Variants in KHDRBS2 observed in about 807,000 individuals in gnomAD.
The protein encoded by KHDRBS2 is KH RNA binding domain containing, signal transduction associated 2.
Under a neutral mutation model 44.3 loss-of-function variants are expected in KHDRBS2, and 26 were observed. The ratio of observed to expected loss-of-function variants is 0.59; its 90% confidence interval spans 0.43 to 0.81. The LOEUF (loss-of-function observed/expected upper bound fraction) is 0.81. Ranked by LOEUF, KHDRBS2 falls within the 40% of genes least tolerant of loss-of-function variation. The probability of loss-of-function intolerance (pLI) is 0.00; values close to 1 mark genes in which losing one functional copy is unlikely to be tolerated. For synonymous variants in KHDRBS2, 194 were observed against 151.1 expected, an observed-to-expected ratio of 1.28 and a Z score of -2.08; for missense variants, 476 against 433.1, an observed-to-expected ratio of 1.10 and a Z score of -0.88.
chr6:61,544,632 C>T, the KHDRBS2 span, among the ~76,000 whole-genome samples: 2 of 151,994 alleles, frequency 1.3e-5, no homozygotes, highest in Non-Finnish European at 2.9e-5. Context: ...TGAAAGATTT[C>T]CTGGGCACTA....
At chr6:61,807,225 G>C (rs149201290) in intron 6 of KHDRBS2, among the ~76,000 whole-genome samples, 518 of 152,186 alleles carry the variant, frequency 3.4e-3, no homozygotes, top group Non-Finnish European at 4.3e-3. Context: ...ACTGCTGGTG[G>C]GAGTACAAAT....
chr6:61,776,502 G>A (rs1321965352), intron 6 of KHDRBS2, among the ~76,000 whole-genome samples: 4 of 152,158 alleles, frequency 2.6e-5, no homozygotes, highest in South Asian at 2.1e-4. Context: ...CTTCTCAAAA[G>A]AAGACATTTA....
In KHDRBS2 at chr6:61,885,768, A is replaced by G. The variant is rs1174113325; in HGVS notation, c.810+8867T>C. Among the ~76,000 whole-genome samples the G allele has an allele frequency of 3.3e-5, 5 of 152,172 alleles. No individual in the cohort carries two copies. In the East Asian group the frequency reaches 7.7e-4, roughly 24 times the overall value. On this transcript the variant is annotated intron_variant, in intron 6 of 8. Coordinates refer to ENST00000281156, the MANE Select transcript of KHDRBS2 (RefSeq NM_152688.4). ...AATACCTTACTTTTGCAACAAAGAG[A>G]GATGACCATGTAAACACATTTATAA... is the stretch of plus-strand genomic sequence containing the variant.
intron 1 of KHDRBS2, among the ~76,000 whole-genome samples, chr6:62,196,497 A>C (rs958828180): frequency 1.4e-4 from 21 of 152,122 alleles, no homozygotes; most frequent in African/African-American, 5.1e-4. Flanking sequence ...GTGGGCATCC[A>C]TTCCCAAACC....
chr6:61,901,366 G>A lies in KHDRBS2; in HGVS notation c.489C>T (p.Tyr163=). Residue 163 remains tyrosine, a synonymous_variant, in exon 5 of 9, where the codon TAC becomes TAT. Transcript: ENST00000281156. ...EEIKKFLVPD[Y]NDEIRQEQLR... The stretch of plus-strand genomic sequence containing the variant: ...GTTGTTCCTGACGAATTTCATCATT[G>A]TAGTCCTGGAGAAAAAACATGATGT... 1 of 1,610,976 alleles carries A rather than the reference G, an allele frequency of 6.2e-7. No homozygotes were observed. The highest frequency in any genetic ancestry group is 1.1e-5 in the South Asian group (1 of 90,914).
intron 2 of KHDRBS2, among the ~76,000 whole-genome samples, chr6:62,110,229 AAT>A (rs1183718451): frequency 1.3e-5 from 2 of 152,074 alleles, no homozygotes; most frequent in Non-Finnish European, 2.9e-5. Flanking sequence ...TGTTGATGGA[AAT>A]ATAAAATGAT....
intron 4 of KHDRBS2, among the ~76,000 whole-genome samples, chr6:61,901,870 A>AGT (rs1205678930): frequency 2.0e-5 from 3 of 152,340 alleles, no homozygotes; most frequent in African/African-American, 7.2e-5. Context: ...GAAGTATGAT[A>AGT]GTATGTCCCT....
chr6:62,044,039 C>T (rs948794472), intron 3 of KHDRBS2, among the ~76,000 whole-genome samples: 5 of 151,950 alleles, frequency 3.3e-5, no homozygotes, highest in African/African-American at 1.2e-4. Context: ...TGAATCTATT[C>T]TTGAAGTAAT....
intron 2 of KHDRBS2, among the ~76,000 whole-genome samples, chr6:62,076,578 G>C (rs1188188248): frequency 6.6e-6 from 1 of 151,856 alleles, no homozygotes; most frequent in African/African-American, 2.4e-5. Flanking sequence ...AAGTTAGTTG[G>C]GGTCATAAAA....
At chr6:62,091,677 T>C (rs1799518230) in intron 2 of KHDRBS2, among the ~76,000 whole-genome samples, 1 of 152,104 alleles carries the variant, frequency 6.6e-6, no homozygotes, top group South Asian at 2.1e-4. Context: ...TTTGAAAAAG[T>C]ATCAAAATTT....
At chr6:61,547,660 C>A in the KHDRBS2 span, among the ~76,000 whole-genome samples, 2 of 152,128 alleles carry the variant, frequency 1.3e-5, no homozygotes. Context: ...AATACAAACA[C>A]ATGAAAACAA....
chr6:61,726,057 CT>C (rs1359731468), intron 7 of KHDRBS2, among the ~76,000 whole-genome samples: 1 of 152,088 alleles, frequency 6.6e-6, no homozygotes. Context: ...CAATAAAATA[CT>C]AGAAAACTGA....
At chr6:61,701,019 CA>C (rs1298616019) in intron 7 of KHDRBS2, among the ~76,000 whole-genome samples, 2 of 151,694 alleles carry the variant, frequency 1.3e-5, no homozygotes, top group Non-Finnish European at 2.9e-5. Flanking sequence ...ATTTATATCC[CA>C]AACTATAGGG....
intron 6 of KHDRBS2, among the ~76,000 whole-genome samples, chr6:61,736,212 T>TACACA: frequency 7.4e-6 from 1 of 135,646 alleles, no homozygotes; most frequent in Middle Eastern, 3.7e-3. Flanking sequence ...TTACTTTACT[T>TACACA]CACACACACA....
At chr6:61,908,633 CA>C (rs11290284) in intron 4 of KHDRBS2, among the ~76,000 whole-genome samples, 81,047 of 110,442 alleles carry the variant, frequency 0.73, 28,319 homozygotes, top group African/African-American at 0.83. Flanking sequence ...GATTCCGTCT[CA>C]AAAAAAAAAA....
intron 1 of KHDRBS2, among the ~76,000 whole-genome samples, chr6:62,209,530 C>T (rs1828653333): frequency 9.5e-6 from 1 of 104,974 alleles, no homozygotes; most frequent in Non-Finnish European, 2.0e-5. Flanking sequence ...GAATGCTACA[C>T]AGATTGCCAT....
intron 6 of KHDRBS2, among the ~76,000 whole-genome samples, chr6:61,864,472 C>T (rs570977435): frequency 1.4e-3 from 207 of 152,242 alleles, no homozygotes; most frequent in African/African-American, 4.7e-3. Flanking sequence ...GCAATGGATT[C>T]CCTCAGCATT....
chr6:61,811,361 C>T (rs372273447), intron 6 of KHDRBS2, among the ~76,000 whole-genome samples: 57 of 152,132 alleles, frequency 3.7e-4, no homozygotes, highest in African/African-American at 1.3e-3. Flanking sequence ...CTGATGGGCA[C>T]CTAGGTTTAT....
At chr6:61,748,021 C>T (rs1777109627) in intron 6 of KHDRBS2, among the ~76,000 whole-genome samples, 2 of 152,164 alleles carry the variant, frequency 1.3e-5, no homozygotes, top group Admixed American at 1.3e-4. Context: ...GACAGAGTCT[C>T]ACACTGTTGC....
Sources: gnomAD v4.1 joint callset for allele counts (sites outside exome capture counted in the v4.1 genomes callset) on GRCh38, gnomAD v4.1.1 for gene constraint, MANE v1.5 for transcripts, NCBI Gene and HGNC (gene_info 2026-07-23, HGNC 2026-07-21) for gene names.